EFCAB6: variants seen among roughly 807,000 people sequenced by gnomAD.
EFCAB6 encodes the protein EF-hand calcium-binding domain-containing protein 6.
Under a neutral mutation model 169.8 loss-of-function variants are expected in EFCAB6, and 156 were observed. The observed-to-expected ratio is 0.92, with a 90% CI of 0.81 to 1.05. The LOEUF (loss-of-function observed/expected upper bound fraction) is 1.05, where lower values mean the gene tolerates loss of function less well. EFCAB6 is among the 50% of genes least tolerant of loss of function. The probability of loss-of-function intolerance (pLI) is 0.00; values close to 1 mark genes in which losing one functional copy is unlikely to be tolerated. For synonymous variants in EFCAB6, 698 were observed against 676.4 expected, an observed-to-expected ratio of 1.03 and a Z score of -0.50; for missense variants, 1,800 against 1,829.1, an observed-to-expected ratio of 0.98 and a Z score of 0.29.
rs372063996 is a variant in EFCAB6, at chr22:43,562,954, G to A, written c.3421-7858C>T. Among the ~76,000 whole-genome samples, 6 of 152,102 alleles carry A rather than the reference G, an allele frequency of 3.9e-5. No homozygotes were observed. In the East Asian group the frequency reaches 9.7e-4, roughly 24 times the overall value. ...CCTTGGCTCTGCTCAGGGTCTCTCC[G>A]GGTAGGCACAGCACGGCCGCCTGCT... On this transcript the variant is annotated intron_variant, in intron 26 of 31. Transcript: ENST00000262726.
chr22:43,728,665 A>G lies in EFCAB6; in HGVS notation c.757+3034T>C, dbSNP rs543189527. On this transcript the variant is annotated intron_variant, in intron 8 of 31. Coordinates refer to ENST00000262726, the MANE Select transcript of EFCAB6 (RefSeq NM_022785.4). Reference sequence around the variant, plus strand: ...ATTTGCATTTCTCTAATGACCAGAGATGTTGAGCTTTTTTTCATATGTTTG... The same window carrying G: ...ATTTGCATTTCTCTAATGACCAGAGGTGTTGAGCTTTTTTTCATATGTTTG... 7.9e-5 allele frequency among the ~76,000 whole-genome samples: 12 copies of G among 152,318 alleles called. No homozygotes were observed. In the East Asian group the frequency reaches 2.3e-3, roughly 29 times the overall value.
At chr22:43,669,291 T>G (rs1281672074) in intron 15 of EFCAB6, among the ~76,000 whole-genome samples, 2 of 152,188 alleles carry the variant, frequency 1.3e-5, no homozygotes, top group Non-Finnish European at 2.9e-5. Context: ...TTATTGGTAA[T>G]AGCCAGAAAC....
chr22:43,712,603 A>G (rs1177783150), intron 9 of EFCAB6, among the ~76,000 whole-genome samples: 4 of 152,208 alleles, frequency 2.6e-5, no homozygotes, highest in Non-Finnish European at 5.9e-5. Context: ...CATAAAATTA[A>G]CCCAAAGAGC....
chr22:43,760,203 CAAAAAA>C (rs371022953), intron 5 of EFCAB6, among the ~76,000 whole-genome samples: 4 of 104,662 alleles, frequency 3.8e-5, no homozygotes, highest in Non-Finnish European at 7.4e-5. Flanking sequence ...GACTCTGTCT[CAAAAAA>C]AAAAAAAAAA....
chr22:43,669,041 A>G lies in EFCAB6; in HGVS notation c.1645T>C (p.Cys549Arg). 1 of 1,599,892 alleles carries G rather than the reference A, an allele frequency of 6.3e-7. No homozygotes were observed. Among genetic ancestry groups the G allele is most frequent in the Non-Finnish European group, 8.5e-7 (1 of 1,174,070 alleles). Reference sequence around the variant, plus strand: ...GAACCAATGTCCTGAATCTTACTGCAGAGTCTGAATTTTAAAAAATAATTA... The same window carrying G: ...GAACCAATGTCCTGAATCTTACTGCGGAGTCTGAATTTTAAAAAATAATTA... ...FLTNAHFIKL[C>R]SKIQDIGSGR... Residue 549 changes from cysteine (C) to arginine (R), a missense_variant, in exon 16 of 32, where the codon TGC (cysteine) becomes CGC (arginine). Coordinates refer to ENST00000262726, the MANE Select transcript of EFCAB6 (RefSeq NM_022785.4).
At chr22:43,724,116 C>T (rs1261991873) in intron 8 of EFCAB6, among the ~76,000 whole-genome samples, 1 of 152,150 alleles carries the variant, frequency 6.6e-6, no homozygotes, top group African/African-American at 2.4e-5. Context: ...AATCTCACTG[C>T]AAGTGGCCAA....
At chr22:43,660,846 G>T (rs2056968208) in intron 17 of EFCAB6, among the ~76,000 whole-genome samples, 1 of 152,138 alleles carries the variant, frequency 6.6e-6, no homozygotes, top group South Asian at 2.1e-4. Context: ...ATGACATGCT[G>T]CACTGGCCCT....
chr22:43,531,023 GCTC>G, intron 30 of EFCAB6, 59 bp from the exon 31 acceptor site: 1 of 1,603,624 alleles, frequency 6.2e-7, no homozygotes, highest in Non-Finnish European at 8.5e-7. Context: ...GTTGGGGTGG[GCTC>G]CTCCTCGCCT....
intron 3 of EFCAB6, among the ~76,000 whole-genome samples, chr22:43,775,512 G>C (rs1427279007): frequency 6.6e-6 from 1 of 152,074 alleles, no homozygotes; most frequent in South Asian, 2.1e-4. Context: ...GCACAATCTT[G>C]GCTCACTGCA....
At chr22:43,687,976 C>A (rs1453182753) in intron 10 of EFCAB6, among the ~76,000 whole-genome samples, 1 of 152,318 alleles carries the variant, frequency 6.6e-6, no homozygotes, top group East Asian at 1.9e-4. Flanking sequence ...ACGTTCTTGC[C>A]CCAGCAAAGA....
intron 27 of EFCAB6, chr22:43,554,511 C>T (rs898373705): frequency 1.4e-5 from 3 of 221,958 alleles, no homozygotes; most frequent in Non-Finnish European, 2.7e-5. Flanking sequence ...TTGGTACATT[C>T]TTTTTACTGC....
intron 24 of EFCAB6, among the ~76,000 whole-genome samples, chr22:43,586,137 T>A (rs1368350037): frequency 6.6e-6 from 1 of 151,992 alleles, no homozygotes; most frequent in African/African-American, 2.4e-5. Flanking sequence ...AGTTGATCAA[T>A]GGAGTAATAA....
chr22:43,780,774 G>A (rs1002564255), intron 3 of EFCAB6, among the ~76,000 whole-genome samples: 17 of 152,240 alleles, frequency 1.1e-4, no homozygotes, highest in African/African-American at 3.9e-4. Context: ...TATTTTGCAG[G>A]CTCCCTGGTA....
intron 19 of EFCAB6, among the ~76,000 whole-genome samples, chr22:43,629,670 C>A (rs531742806): frequency 3.9e-5 from 6 of 152,126 alleles, no homozygotes; most frequent in African/African-American, 1.4e-4. Flanking sequence ...GCAGTGGCAA[C>A]CTCTCAGCTG....
chr22:43,781,145 T>C (rs2061809749), intron 3 of EFCAB6, among the ~76,000 whole-genome samples: 1 of 152,186 alleles, frequency 6.6e-6, no homozygotes, highest in Non-Finnish European at 1.5e-5. Flanking sequence ...GAGGAACTAA[T>C]ACATGAAATT....
intron 17 of EFCAB6, among the ~76,000 whole-genome samples, chr22:43,638,525 G>A (rs959948911): frequency 2.0e-5 from 3 of 152,130 alleles, no homozygotes; most frequent in South Asian, 2.1e-4. Flanking sequence ...GAAGGAAGAC[G>A]CCCTGAGAGC....
At chr22:43,652,230 C>G (rs1175050433) in intron 17 of EFCAB6, among the ~76,000 whole-genome samples, 1 of 152,148 alleles carries the variant, frequency 6.6e-6, no homozygotes, top group Non-Finnish European at 1.5e-5. Context: ...CTTTCCTGTG[C>G]TGTTCTCTTG....
chr22:43,729,133 T>A (rs1348315439), intron 8 of EFCAB6, among the ~76,000 whole-genome samples: 1 of 152,164 alleles, frequency 6.6e-6, no homozygotes, highest in Non-Finnish European at 1.5e-5. Flanking sequence ...TACCAGCTCT[T>A]GTGTGAACTA....
intron 27 of EFCAB6, chr22:43,554,175 A>C (rs995847907): frequency 2.0e-5 from 3 of 152,482 alleles, no homozygotes; most frequent in African/African-American, 7.2e-5. Context: ...GGAAAGCAAA[A>C]TGAAAAAGCA....
Sources: gnomAD v4.1 joint callset for allele counts (sites outside exome capture counted in the v4.1 genomes callset) on GRCh38, gnomAD v4.1.1 for gene constraint, MANE v1.5 for transcripts, NCBI Gene and HGNC (gene_info 2026-07-23, HGNC 2026-07-21) for gene names.